The following AUTS2 variants were observed in gnomAD, a reference collection of about 807,000 sequenced individuals.
AUTS2 encodes the protein autism susceptibility gene 2 protein.
Under a neutral mutation model 112.4 loss-of-function variants are expected in AUTS2, and 17 were observed. The observed-to-expected ratio is 0.15, with a 90% CI of 0.10 to 0.23. The LOEUF (loss-of-function observed/expected upper bound fraction) is 0.23, where lower values mean the gene tolerates loss of function less well. AUTS2 is among the 10% of genes least tolerant of loss of function. The probability of loss-of-function intolerance (pLI) is 1.00; values close to 1 mark genes in which losing one functional copy is unlikely to be tolerated. For synonymous variants in AUTS2, 751 were observed against 702.7 expected (o/e 1.07, Z -1.09); for missense variants, 1,510 against 1,701.6 (o/e 0.89, Z 1.98).
chr7:70,521,017 C>T (rs1194330983), intron 5 of AUTS2, among the ~76,000 whole-genome samples: 2 of 152,134 alleles, frequency 1.3e-5, no homozygotes, highest in Non-Finnish European at 2.9e-5. Context: ...CACCCCACCC[C>T]GAATTAGGAA....
chr7:70,446,428 G>A (rs1051240827), intron 5 of AUTS2, among the ~76,000 whole-genome samples: 3 of 152,140 alleles, frequency 2.0e-5, no homozygotes, highest in African/African-American at 4.8e-5. Flanking sequence ...CGAAGGGAAC[G>A]GATCACCCCC....
At chr7:70,780,555 T>C (rs1209056078) in intron 14 of AUTS2, among the ~76,000 whole-genome samples, 1 of 152,076 alleles carries the variant, frequency 6.6e-6, no homozygotes, top group Non-Finnish European at 1.5e-5. Context: ...TTTTGTATTT[T>C]AGTAGAGACA....
chr7:70,170,930 A>G (rs373013706), intron 4 of AUTS2, among the ~76,000 whole-genome samples: 1 of 152,114 alleles, frequency 6.6e-6, no homozygotes, highest in Non-Finnish European at 1.5e-5. Context: ...TTATAACTCT[A>G]TTTAATTCCC....
intron 5 of AUTS2, among the ~76,000 whole-genome samples, chr7:70,691,261 G>C (rs1176166973): frequency 2.0e-5 from 3 of 152,078 alleles, no homozygotes; most frequent in Admixed American, 2.0e-4. Flanking sequence ...TCTAAGACTT[G>C]TTCTCCTTAG....
At chr7:70,229,815 T>A (rs1811951220) in intron 4 of AUTS2, among the ~76,000 whole-genome samples, 1 of 152,182 alleles carries the variant, frequency 6.6e-6, no homozygotes, top group South Asian at 2.1e-4. Context: ...AATGCACTGA[T>A]TCTTTCTTCT....
chr7:70,667,831 C>G (rs539107306), intron 5 of AUTS2, among the ~76,000 whole-genome samples: 1 of 152,326 alleles, frequency 6.6e-6, no homozygotes, highest in South Asian at 2.1e-4. Context: ...TGTTCTTCCT[C>G]CAGAGTTAAT....
chr7:70,589,849 C>G (rs1464148345), intron 5 of AUTS2, among the ~76,000 whole-genome samples: 1 of 152,206 alleles, frequency 6.6e-6, no homozygotes, highest in Non-Finnish European at 1.5e-5. Context: ...GGTTTGTTCT[C>G]AGGCCTGCCT....
chr7:70,288,866 C>A (rs1788583295), intron 4 of AUTS2, among the ~76,000 whole-genome samples: 1 of 152,044 alleles, frequency 6.6e-6, no homozygotes, highest in Admixed American at 6.5e-5. Flanking sequence ...ATTAATAGGG[C>A]AATTGTGCAA....
chr7:70,632,996 GA>G (rs61590771), intron 5 of AUTS2, among the ~76,000 whole-genome samples: 9,096 of 149,608 alleles, frequency 0.061, 745 homozygotes, highest in African/African-American at 0.19. Context: ...ACCTTGGGGG[GA>G]AAAAAAAAAG....
intron 4 of AUTS2, among the ~76,000 whole-genome samples, chr7:70,215,074 C>G (rs1019910795): frequency 3.3e-5 from 5 of 152,084 alleles, no homozygotes; most frequent in African/African-American, 9.7e-5. Flanking sequence ...CCCTTGAGGC[C>G]AGGAGTTCAA....
chr7:70,529,553 A>G (rs1479715025), intron 5 of AUTS2, among the ~76,000 whole-genome samples: 1 of 152,184 alleles, frequency 6.6e-6, no homozygotes, highest in African/African-American at 2.4e-5. Flanking sequence ...CTATAAAAGA[A>G]ATGTCAAATC....
chr7:70,604,070 T>G (rs1039007019), intron 5 of AUTS2, among the ~76,000 whole-genome samples: 14 of 152,234 alleles, frequency 9.2e-5, no homozygotes, highest in African/African-American at 3.4e-4. Flanking sequence ...TAAGGTGTTT[T>G]GTGGAACTCA....
intron 1 of AUTS2, among the ~76,000 whole-genome samples, chr7:69,785,092 G>C (rs1379741915): frequency 6.6e-6 from 1 of 152,126 alleles, no homozygotes; most frequent in African/African-American, 2.4e-5. Flanking sequence ...TGTGTTCATG[G>C]AAGGCCTTAT....
At chr7:70,464,474 A>AAAT (rs1220893167) in intron 5 of AUTS2, among the ~76,000 whole-genome samples, 1 of 152,218 alleles carries the variant, frequency 6.6e-6, no homozygotes, top group Non-Finnish European at 1.5e-5. Context: ...ACACAATAAA[A>AAAT]TAAGTACCAT....
intron 4 of AUTS2, among the ~76,000 whole-genome samples, chr7:70,335,716 T>C (rs1790957862): frequency 6.6e-6 from 1 of 152,206 alleles, no homozygotes; most frequent in Admixed American, 6.5e-5. Context: ...AAGATGCATA[T>C]GATTAGTCAT....
chr7:70,786,367 AAGCAATAGTTAC>A (rs1197834412), intron 17 of AUTS2, among the ~76,000 whole-genome samples: 5 of 152,204 alleles, frequency 3.3e-5, no homozygotes, highest in African/African-American at 1.2e-4. Flanking sequence ...TTACAAGTGA[AAGCAATAGTTAC>A]AGCAATTGTT....
intron 1 of AUTS2, among the ~76,000 whole-genome samples, chr7:69,606,994 T>C (rs1305161298): frequency 6.6e-6 from 1 of 152,226 alleles, no homozygotes; most frequent in Admixed American, 6.5e-5. Flanking sequence ...GTTTCTATTA[T>C]AGCTTTGCAT....
intron 1 of AUTS2, among the ~76,000 whole-genome samples, chr7:69,796,566 G>A (rs1789852622): frequency 6.6e-6 from 1 of 151,888 alleles, no homozygotes; most frequent in African/African-American, 2.4e-5. Context: ...GAGACTGCAT[G>A]AGTCCTGCCA....
intron 1 of AUTS2, among the ~76,000 whole-genome samples, chr7:69,742,837 GT>G (rs1787326544): frequency 6.6e-6 from 1 of 152,140 alleles, no homozygotes; most frequent in South Asian, 2.1e-4. Flanking sequence ...GTAATTATTT[GT>G]TGCCTGTAAA....
Sources: gnomAD v4.1 joint callset for allele counts (sites outside exome capture counted in the v4.1 genomes callset) on GRCh38, gnomAD v4.1.1 for gene constraint, MANE v1.5 for transcripts, NCBI Gene and HGNC (gene_info 2026-07-23, HGNC 2026-07-21) for gene names.